Variants in ASTN2 observed in about 807,000 individuals in gnomAD.
ASTN2 encodes the protein astrotactin 2.
In ASTN2, 54 loss-of-function variants were observed where a neutral mutation model predicts 139.8. That is an observed-to-expected ratio of 0.39 (90% CI 0.31 to 0.48). ASTN2 has a LOEUF of 0.48. ASTN2 is among the 20% of genes least tolerant of loss of function. The pLI is 0.95. For synonymous variants in ASTN2, 756 were observed against 719.5 expected, an observed-to-expected ratio of 1.05 and a Z score of -0.81; for missense variants, 1,565 against 1,725.1, an observed-to-expected ratio of 0.91 and a Z score of 1.64.
chr9:117,230,975 A>G (rs1832874194), intron 2 of ASTN2, among the ~76,000 whole-genome samples: 1 of 152,196 alleles, frequency 6.6e-6, no homozygotes, highest in South Asian at 2.1e-4. Context: ...CCTGGTCATA[A>G]ATAACACCTG....
At chr9:116,462,363 T>A (rs1848513411) in intron 20 of ASTN2, among the ~76,000 whole-genome samples, 1 of 152,194 alleles carries the variant, frequency 6.6e-6, no homozygotes, top group South Asian at 2.1e-4. Flanking sequence ...TACAGAGCAA[T>A]GATTCAAACC....
chr9:116,618,243 C>T, intron 19 of ASTN2, 81 bp downstream of exon 19: 2 of 1,440,922 alleles, frequency 1.4e-6, no homozygotes, highest in Non-Finnish European at 1.9e-6. Flanking sequence ...CAGATGAGAC[C>T]AAGTCTCCAA....
chr9:117,013,486 ATTTTTT>A (rs58077485), intron 6 of ASTN2, among the ~76,000 whole-genome samples: 31 of 115,640 alleles, frequency 2.7e-4, no homozygotes, highest in South Asian at 8.2e-4. Flanking sequence ...ATATATATAT[ATTTTTT>A]TTTTTCTCCC....
At chr9:117,038,358 C>T (rs777692467) in intron 6 of ASTN2, among the ~76,000 whole-genome samples, 45 of 152,202 alleles carry the variant, frequency 3.0e-4, no homozygotes, top group South Asian at 2.3e-3. Context: ...TGCTACAAGT[C>T]AGAAAGTTTA....
chr9:117,127,655 GT>G (rs1452049794), intron 4 of ASTN2, among the ~76,000 whole-genome samples: 41 of 117,596 alleles, frequency 3.5e-4, no homozygotes, highest in East Asian at 1.5e-3. Context: ...AGAAGTTAGG[GT>G]TTTTTTTTTG....
intron 11 of ASTN2, among the ~76,000 whole-genome samples, chr9:116,853,515 C>G (rs890633182): frequency 2.0e-5 from 3 of 152,130 alleles, no homozygotes; most frequent in African/African-American, 7.2e-5. Flanking sequence ...CTCAAGGAGA[C>G]AGCAGACCCA....
At chr9:116,742,683 G>A (rs1216088782) in intron 13 of ASTN2, among the ~76,000 whole-genome samples, 1 of 152,044 alleles carries the variant, frequency 6.6e-6, no homozygotes, top group African/African-American at 2.4e-5. Context: ...TGAATTTGGA[G>A]CCACCCATGC....
At position 117,008,084 on chromosome 9, in the gene ASTN2, T is replaced by A; in HGVS notation, c.1591+8A>T. ...CCTTCTATCCCCATCCCGGCTCCCATGGCTCACCGGTTTCTGGGTCGCAGA... is the reference window on the plus strand; with the variant it reads ...CCTTCTATCCCCATCCCGGCTCCCAAGGCTCACCGGTTTCTGGGTCGCAGA... On this transcript the variant is annotated splice_region_variant and intron_variant, in intron 7 of 22. Coordinates refer to ENST00000313400, the MANE Select transcript of ASTN2 (RefSeq NM_001365068.1). The A allele has an allele frequency of 6.3e-7, 1 of 1,583,638 alleles. No homozygotes were observed. Among genetic ancestry groups the A allele is most frequent in the South Asian group, 1.2e-5 (1 of 86,292 alleles).
chr9:117,326,791 C>A (rs1339775498), intron 1 of ASTN2, among the ~76,000 whole-genome samples: 1 of 151,942 alleles, frequency 6.6e-6, no homozygotes, highest in Non-Finnish European at 1.5e-5. Context: ...TTAGGGTGAG[C>A]CAAGATAAAA....
In ASTN2 at chr9:117,092,290, T is replaced by C. The variant is rs557970163; in HGVS notation, c.1276+3754A>G. Reference sequence around the variant, plus strand: ...TTGTCTTCCAAAATCTTCTAACATCTGAAACAGTCTGAACTGCAGTGCAGG... The same window carrying C: ...TTGTCTTCCAAAATCTTCTAACATCCGAAACAGTCTGAACTGCAGTGCAGG... On this transcript the variant is annotated intron_variant, in intron 5 of 22. Transcript: ENST00000313400. Among the ~76,000 whole-genome samples, 240 of 152,166 alleles carry C rather than the reference T, an allele frequency of 1.6e-3. 1 individual carries two copies. The highest frequency in any genetic ancestry group is 5.6e-3 in the African/African-American group (233 of 41,524).
Position 117,291,372 on chromosome 9 carries a change from G to C in ASTN2, c.584C>G (p.Ser195Trp), listed in dbSNP as rs747198436. 1.9e-6 allele frequency: 3 copies of C among 1,613,976 alleles called. No individual in the cohort carries two copies. In the South Asian group the frequency reaches 3.3e-5, roughly 18 times the overall value. ...GTGCATCTGCTCCTCAACAATCTCC[G>C]AGGGCTCCTGGAGAGTGGGGGCGGT... ...QATAPTLQEP[S>W]EIVEEQMHIL... Residue 195 changes from serine (S) to tryptophan (W), a missense_variant, in exon 2 of 23, where the codon TCG becomes TGG. Transcript: ENST00000313400.
chr9:117,408,793 C>G (rs935256152), intron 1 of ASTN2, among the ~76,000 whole-genome samples: 1 of 152,166 alleles, frequency 6.6e-6, no homozygotes, highest in Non-Finnish European at 1.5e-5. Context: ...GAGCTCTCCC[C>G]TCTCTCTGCC....
chr9:116,832,738 A>G (rs1380662688), intron 11 of ASTN2, among the ~76,000 whole-genome samples: 1 of 151,992 alleles, frequency 6.6e-6, no homozygotes, highest in African/African-American at 2.4e-5. Context: ...TCTTTTATGT[A>G]TTGTTGAATC....
intron 16 of ASTN2, among the ~76,000 whole-genome samples, chr9:116,665,923 C>T (rs937487918): frequency 1.3e-5 from 2 of 152,064 alleles, no homozygotes; most frequent in African/African-American, 4.8e-5. Context: ...TGCTAGGAGA[C>T]AAACATATTA....
In ASTN2 at chr9:117,141,392, C is replaced by A. The variant is rs551811403; in HGVS notation, c.1102G>T (p.Gly368Cys). ...CTGCGCAGGGGTGGTTGCAGCTGAC[C>A]GATCTCGATGGGCGTGTTAGCGCGG... ...SFRANTPIEI[G>C]QLQPPLRSTS... The change falls in exon 4 of 23, where the codon GGT becomes TGT. Residue 368 changes from glycine (G) to cysteine (C), a missense_variant. By Grantham distance (159) the Gly-to-Cys change is radical. This residue lies in a region of ASTN2 where 596 missense variants were observed against 576.8 expected (regional missense o/e 1.03). Coordinates refer to ENST00000313400, the MANE Select transcript of ASTN2 (RefSeq NM_001365068.1). The A allele has an allele frequency of 2.9e-6, 4 of 1,367,544 alleles. No individual in the cohort carries two copies. In the Admixed American group the frequency reaches 5.7e-5, roughly 20 times the overall value. 84.7% of individuals were successfully genotyped at this position (1,367,544 alleles called of 1,614,324 possible). A position where few individuals can be genotyped will look rare whatever the true frequency, so the allele number is the denominator to read the frequency against.
At chr9:116,910,134 G>A (rs1834271339) in intron 10 of ASTN2, among the ~76,000 whole-genome samples, 1 of 152,130 alleles carries the variant, frequency 6.6e-6, no homozygotes, top group African/African-American at 2.4e-5. Context: ...TGGGGCCTGA[G>A]CTAATGCAAT....
At chr9:116,526,430 G>A (rs1014150259) in intron 19 of ASTN2, among the ~76,000 whole-genome samples, 1 of 151,840 alleles carries the variant, frequency 6.6e-6, no homozygotes, top group South Asian at 2.1e-4. Flanking sequence ...TGGCCAACAT[G>A]GTAAAACCCC....
chr9:117,405,440 ATGGCACC>A (rs1830955742), intron 1 of ASTN2, among the ~76,000 whole-genome samples: 1 of 152,208 alleles, frequency 6.6e-6, no homozygotes, highest in African/African-American at 2.4e-5. Flanking sequence ...ATGTACCATC[ATGGCACC>A]TGGGACATAG....
At chr9:117,070,798 G>A (rs1052886907) in intron 5 of ASTN2, among the ~76,000 whole-genome samples, 5 of 151,162 alleles carry the variant, frequency 3.3e-5, no homozygotes, top group East Asian at 2.0e-4. Context: ...CCAGTTGATC[G>A]CATCGGCTCC....
Sources: gnomAD v4.1 joint callset for allele counts (sites outside exome capture counted in the v4.1 genomes callset) on GRCh38, gnomAD v4.1.1 for gene constraint, gnomAD v4.1.1 regional missense constraint, MANE v1.5 for transcripts, NCBI Gene and HGNC (gene_info 2026-07-23, HGNC 2026-07-21) for gene names.